Variants in WDR70 observed in about 807,000 individuals in gnomAD.
WDR70 encodes WD repeat domain 70.
A neutral mutation model predicts 88.6 loss-of-function variants in WDR70; 53 were observed. The ratio of observed to expected loss-of-function variants is 0.60; its 90% CI spans 0.48 to 0.75. The LOEUF is 0.75. WDR70 is among the 30% of genes least tolerant of loss of function. The pLI, the probability that WDR70 is intolerant of heterozygous loss-of-function variation, is 0.00. For synonymous variants in WDR70, 280 were observed against 270.0 expected, an observed-to-expected ratio of 1.04 and a Z score of -0.36; for missense variants, 610 against 823.2, an observed-to-expected ratio of 0.74 and a Z score of 3.17.
intron 9 of WDR70, among the ~76,000 whole-genome samples, chr5:37,595,935 A>G (rs2112457477): frequency 6.6e-6 from 1 of 152,284 alleles, no homozygotes; most frequent in Non-Finnish European, 1.5e-5. Flanking sequence ...GTGAGGTGCA[A>G]TTGAATGTTA....
At chr5:37,401,981 T>C (rs1235829600) in intron 5 of WDR70, among the ~76,000 whole-genome samples, 1 of 152,230 alleles carries the variant, frequency 6.6e-6, no homozygotes, top group African/African-American at 2.4e-5. Context: ...GAGTAAACAG[T>C]TGTTAACTAT....
At chr5:37,430,627 C>T (rs535704885) in intron 5 of WDR70, among the ~76,000 whole-genome samples, 4 of 151,930 alleles carry the variant, frequency 2.6e-5, no homozygotes, top group Admixed American at 6.6e-5. Flanking sequence ...GTGGCATGAT[C>T]TCAGCTCACT....
At chr5:37,424,302 C>G (rs1470669918) in intron 5 of WDR70, among the ~76,000 whole-genome samples, 3 of 150,168 alleles carry the variant, frequency 2.0e-5, no homozygotes, top group Non-Finnish European at 3.0e-5. Flanking sequence ...TGCAGTAATA[C>G]TAAATATAAT....
At chr5:37,538,941 G>A (rs1390423563) in intron 9 of WDR70, among the ~76,000 whole-genome samples, 1 of 152,184 alleles carries the variant, frequency 6.6e-6, no homozygotes, top group Non-Finnish European at 1.5e-5. Context: ...AGTGTACCAA[G>A]TGAGAACATA....
At chr5:37,399,268 ACT>A (rs757120625) in intron 5 of WDR70, among the ~76,000 whole-genome samples, 1 of 152,042 alleles carries the variant, frequency 6.6e-6, no homozygotes, top group African/African-American at 2.4e-5. Context: ...ACAGAGCGAG[ACT>A]CTGTCTCACA....
intron 9 of WDR70, among the ~76,000 whole-genome samples, chr5:37,599,497 T>C (rs1398123622): frequency 1.3e-5 from 2 of 152,232 alleles, no homozygotes; most frequent in Non-Finnish European, 2.9e-5. Flanking sequence ...CTTACATTTA[T>C]GGCCAATTGA....
intron 17 of WDR70, among the ~76,000 whole-genome samples, chr5:37,749,215 C>T (rs1054013118): frequency 6.6e-6 from 1 of 152,138 alleles, no homozygotes; most frequent in African/African-American, 2.4e-5. Flanking sequence ...CCCAAATGCC[C>T]GTCAGTGATA....
intron 8 of WDR70, among the ~76,000 whole-genome samples, chr5:37,490,062 G>A (rs56307385): frequency 0.6 from 90,624 of 151,756 alleles, 28,423 homozygotes; most frequent in Non-Finnish European, 0.69. Flanking sequence ...GGCGTGCTAT[G>A]GTGCGGCAGG....
At position 37,559,845 on chromosome 5, in the gene WDR70, A is replaced by T. The variant is rs983598883; in HGVS notation, c.917+43255A>T. On this transcript the variant is annotated intron_variant, in intron 9 of 17. Coordinates refer to ENST00000265107, the MANE Select transcript of WDR70 (RefSeq NM_018034.4). ...GGGCAACAAGAGCAAAATTCAGTAT[A>T]AAAAAAAAAAAAAAACTTTTTGAAA... is the stretch of plus-strand genomic sequence containing the variant. Among the ~76,000 whole-genome samples, 7 of 123,278 alleles carry T rather than the reference A, an allele frequency of 5.7e-5. No individual in the cohort carries two copies. In the East Asian group the frequency reaches 6.1e-4, roughly 11 times the overall value. 80.9% of individuals were successfully genotyped at this position (123,278 alleles called of 152,430 possible).
intron 7 of WDR70, among the ~76,000 whole-genome samples, chr5:37,445,940 G>T (rs1738461283): frequency 6.6e-6 from 1 of 152,112 alleles, no homozygotes; most frequent in African/African-American, 2.4e-5. Flanking sequence ...TTCTGGCCAG[G>T]CAATCAGGCA....
At chr5:37,579,482 G>A (rs553535571) in intron 9 of WDR70, among the ~76,000 whole-genome samples, 3 of 151,540 alleles carry the variant, frequency 2.0e-5, no homozygotes, top group African/African-American at 7.3e-5. Context: ...TACTTGGGAG[G>A]CTGAGGCAGG....
At chr5:37,579,249 AT>A (rs1391722067) in intron 9 of WDR70, among the ~76,000 whole-genome samples, 1 of 152,204 alleles carries the variant, frequency 6.6e-6, no homozygotes, top group African/African-American at 2.4e-5. Context: ...GAAATTTTTA[AT>A]GTATTCACTT....
At chr5:37,626,395 G>A (rs1744666679) in intron 10 of WDR70, among the ~76,000 whole-genome samples, 1 of 152,104 alleles carries the variant, frequency 6.6e-6, no homozygotes, top group African/African-American at 2.4e-5. Context: ...CCTTCTTTCT[G>A]TTGATGTGTG....
At chr5:37,695,517 A>G (rs1746954691) in intron 10 of WDR70, among the ~76,000 whole-genome samples, 1 of 152,110 alleles carries the variant, frequency 6.6e-6, no homozygotes, top group Non-Finnish European at 1.5e-5. Context: ...AAATCAGAGT[A>G]TTGCCTTGGT....
intron 11 of WDR70, 41 bp downstream of exon 11, chr5:37,697,795 A>G: frequency 1.6e-5 from 24 of 1,522,848 alleles, no homozygotes; most frequent in Non-Finnish European, 2.2e-5. Flanking sequence ...TCTCTATATA[A>G]AATAATCATC....
rs1346519448 is a variant in WDR70, at chr5:37,647,457, G to A, written c.1092+42219G>A. Among the ~76,000 whole-genome samples the A allele has an allele frequency of 2.6e-5, 4 of 152,152 alleles. No individual in the cohort carries two copies. In the South Asian group the frequency reaches 6.2e-4, roughly 24 times the overall value. On this transcript the variant is annotated intron_variant, in intron 10 of 17. Coordinates refer to ENST00000265107, the MANE Select transcript of WDR70 (RefSeq NM_018034.4). ...TTTTTTGGTGACTGGGAATTGAAGAGTTGGGTATTTATTGTAGTCTTGTAG... is the reference window on the plus strand; with the variant it reads ...TTTTTTGGTGACTGGGAATTGAAGAATTGGGTATTTATTGTAGTCTTGTAG...
At chr5:37,735,805 T>C (rs2112721726) in intron 17 of WDR70, among the ~76,000 whole-genome samples, 1 of 152,284 alleles carries the variant, frequency 6.6e-6, no homozygotes, top group Non-Finnish European at 1.5e-5. Flanking sequence ...TTGACTTCTG[T>C]CAGTGATGAA....
intron 9 of WDR70, among the ~76,000 whole-genome samples, chr5:37,590,364 A>G (rs1417469665): frequency 6.6e-6 from 1 of 152,180 alleles, no homozygotes; most frequent in Non-Finnish European, 1.5e-5. Context: ...GATCAATAGA[A>G]TCATGTAGTA....
chr5:37,522,840 G>A (rs1383025253), intron 9 of WDR70, among the ~76,000 whole-genome samples: 14 of 152,194 alleles, frequency 9.2e-5, no homozygotes, highest in African/African-American at 2.4e-4. Context: ...TATATTCTGT[G>A]CCTGGCTCAG....
Sources: gnomAD v4.1 joint callset for allele counts (sites outside exome capture counted in the v4.1 genomes callset) on GRCh38, gnomAD v4.1.1 for gene constraint, MANE v1.5 for transcripts, NCBI Gene and HGNC (gene_info 2026-07-23, HGNC 2026-07-21) for gene names.